Variants in SDHAF3 observed in about 807,000 individuals in gnomAD.
SDHAF3 encodes the protein succinate dehydrogenase complex assembly factor 3, also known as succinate dehydrogenase assembly factor 3, mitochondrial.
In SDHAF3, 18 loss-of-function variants were observed where a neutral mutation model predicts 11.5. That is an observed-to-expected ratio of 1.56 (90% CI 1.08 to 2.32). The LOEUF (loss-of-function observed/expected upper bound fraction) is 2.32. Ranked by LOEUF, SDHAF3 falls within the 30% of genes most tolerant of loss-of-function variation. SDHAF3 has a pLI of 0.00. For synonymous variants in SDHAF3, 72 were observed against 59.3 expected, an observed-to-expected ratio of 1.21 and a Z score of -0.99; for missense variants, 200 against 154.4, an observed-to-expected ratio of 1.30 and a Z score of -1.57.
chr7:97,132,893 C>A (rs911999710), intron 1 of SDHAF3, among the ~76,000 whole-genome samples: 1 of 152,172 alleles, frequency 6.6e-6, no homozygotes, highest in South Asian at 2.1e-4. Context: ...ACTTTACCAA[C>A]ATAACCAGAA....
chr7:97,129,022 ATAAT>A (rs1441707219), intron 1 of SDHAF3, among the ~76,000 whole-genome samples: 11 of 152,152 alleles, frequency 7.2e-5, no homozygotes, highest in African/African-American at 2.2e-4. Context: ...ATGGCTTAGA[ATAAT>A]TAATTAGTGT....
intron 1 of SDHAF3, among the ~76,000 whole-genome samples, chr7:97,148,036 T>C (rs1789162773): frequency 6.6e-6 from 1 of 152,046 alleles, no homozygotes; most frequent in African/African-American, 2.4e-5. Context: ...CCCAAGTAGC[T>C]GGGATTACAG....
rs1408936644 is a variant in SDHAF3, at chr7:97,117,902, G to A, written c.174+5G>A. On this transcript the variant is annotated splice_donor_5th_base_variant and intron_variant, in intron 1 of 1. Transcript: ENST00000432641. ...CGTTTCTTGCAAGAATGGGAGGCAA[G>A]TGACGCTCCCTTCTCTTTGCCCAAG... The A allele has an allele frequency of 1.2e-6, 2 of 1,613,734 alleles. No individual in the cohort carries two copies. The highest frequency in any genetic ancestry group is 2.2e-5 in the East Asian group (1 of 44,876).
At chr7:97,135,292 C>G (rs1310405874) in intron 1 of SDHAF3, 1 of 152,160 alleles carries the variant, frequency 6.6e-6, no homozygotes, top group African/African-American at 2.4e-5. Context: ...CTAAACAGAA[C>G]AAGAAGCTAG....
intron 1 of SDHAF3, among the ~76,000 whole-genome samples, chr7:97,167,514 G>A (rs1312571794): frequency 6.6e-6 from 1 of 152,174 alleles, no homozygotes; most frequent in Non-Finnish European, 1.5e-5. Flanking sequence ...CTGCTGCCTA[G>A]ACAGAGCCAA....
In SDHAF3 at chr7:97,141,730, G is replaced by A. The variant is rs570238372; in HGVS notation, c.174+23833G>A. Among the ~76,000 whole-genome samples, 19 of 152,182 alleles carry A rather than the reference G, an allele frequency of 1.2e-4. No homozygotes were observed. In the East Asian group the frequency reaches 2.1e-3, roughly 17 times the overall value. On this transcript the variant is annotated intron_variant, in intron 1 of 1. Transcript: ENST00000432641. The stretch of plus-strand genomic sequence containing the variant: ...AGGATGGTCTCTATCTCCTGACCTC[G>A]TGATCCTCCTGCCTTGGCCTCCCAA...
intron 1 of SDHAF3, among the ~76,000 whole-genome samples, chr7:97,123,364 A>G (rs1791529360): frequency 1.3e-5 from 2 of 152,096 alleles, no homozygotes; most frequent in African/African-American, 4.8e-5. Flanking sequence ...CATGATGTAT[A>G]TGTTCCACAT....
chr7:97,121,177 G>A (rs1791485897), intron 1 of SDHAF3, among the ~76,000 whole-genome samples: 1 of 152,144 alleles, frequency 6.6e-6, no homozygotes, highest in Non-Finnish European at 1.5e-5. Flanking sequence ...CATAGATCGG[G>A]GGTCTTACTA....
chr7:97,170,559 C>A (rs764551043), intron 1 of SDHAF3, among the ~76,000 whole-genome samples: 6 of 152,140 alleles, frequency 3.9e-5, no homozygotes, highest in Admixed American at 1.3e-4. Flanking sequence ...ATATCATGGA[C>A]ATAGAGTTTA....
intron 1 of SDHAF3, among the ~76,000 whole-genome samples, chr7:97,131,729 A>G (rs1003924985): frequency 5.9e-5 from 9 of 152,220 alleles, no homozygotes; most frequent in Non-Finnish European, 1.2e-4. Flanking sequence ...AAAAGAACTT[A>G]TTTAGCTCAA....
At chr7:97,143,642 T>C (rs538808533) in intron 1 of SDHAF3, among the ~76,000 whole-genome samples, 1 of 151,412 alleles carries the variant, frequency 6.6e-6, no homozygotes, top group African/African-American at 2.4e-5. Context: ...ATTCATTCCT[T>C]TTTAGGGCTG....
At chr7:97,147,033 G>A (rs1055854745) in intron 1 of SDHAF3, among the ~76,000 whole-genome samples, 3 of 151,634 alleles carry the variant, frequency 2.0e-5, no homozygotes, top group Non-Finnish European at 2.9e-5. Context: ...GAGCCACTGC[G>A]CCCGGCCAAT....
chr7:97,128,602 A>C (rs2115630204), intron 1 of SDHAF3, among the ~76,000 whole-genome samples: 1 of 152,302 alleles, frequency 6.6e-6, no homozygotes, highest in South Asian at 2.1e-4. Context: ...GGTAATGTGC[A>C]ATCTTAAAAT....
At chr7:97,122,498 T>G (rs985887572) in intron 1 of SDHAF3, among the ~76,000 whole-genome samples, 1 of 151,910 alleles carries the variant, frequency 6.6e-6, no homozygotes, top group African/African-American at 2.4e-5. Flanking sequence ...GGATATAGAT[T>G]TATGAGGTTT....
intron 1 of SDHAF3, among the ~76,000 whole-genome samples, chr7:97,179,658 GA>G (rs1789739617): frequency 6.6e-6 from 1 of 151,924 alleles, no homozygotes; most frequent in Admixed American, 6.6e-5. Context: ...GGTGGTCAGA[GA>G]CAAGAGATGC....
At chr7:97,178,279 T>A (rs1274774607) in intron 1 of SDHAF3, among the ~76,000 whole-genome samples, 1 of 152,202 alleles carries the variant, frequency 6.6e-6, no homozygotes, top group Non-Finnish European at 1.5e-5. Flanking sequence ...TATACCACAT[T>A]TTGTTTATCT....
chr7:97,158,555 C>T (rs1330313905), intron 1 of SDHAF3, among the ~76,000 whole-genome samples: 5 of 152,112 alleles, frequency 3.3e-5, no homozygotes, highest in Non-Finnish European at 7.4e-5. Flanking sequence ...TCAAACTCAC[C>T]TCAGGTGATC....
At chr7:97,166,914 C>CTAAACTT (rs1197593309) in intron 1 of SDHAF3, among the ~76,000 whole-genome samples, 2 of 152,136 alleles carry the variant, frequency 1.3e-5, no homozygotes, top group Non-Finnish European at 2.9e-5. Flanking sequence ...GATTTTATGA[C>CTAAACTT]TAAACTTAAA....
At chr7:97,167,880 C>T (rs1483541203) in intron 1 of SDHAF3, among the ~76,000 whole-genome samples, 1 of 152,144 alleles carries the variant, frequency 6.6e-6, no homozygotes, top group Admixed American at 6.5e-5. Context: ...GGAAGGGTCC[C>T]TAGTGAATCT....
Sources: allele counts gnomAD v4.1 joint callset (sites outside exome capture counted in the v4.1 genomes callset), GRCh38; gene constraint gnomAD v4.1.1; transcripts MANE v1.5; gene names NCBI Gene and HGNC (gene_info 2026-07-23, HGNC 2026-07-21).